Variants in SNX2 observed in about 807,000 individuals in gnomAD.
The protein encoded by SNX2 is sorting nexin 2.
SNX2 carries 25 observed loss-of-function variants against 69.9 expected under a neutral mutation model. That is an observed-to-expected ratio of 0.36 (90% CI 0.26 to 0.50). The LOEUF is 0.50. Ranked by LOEUF, SNX2 falls within the 20% of genes least tolerant of loss-of-function variation. SNX2 has a pLI of 0.97. For synonymous variants in SNX2, 229 were observed against 200.4 expected (o/e 1.14, Z -1.20); for missense variants, 551 against 613.3 (o/e 0.90, Z 1.07).
intron 11 of SNX2, among the ~76,000 whole-genome samples, chr5:122,824,446 G>A (rs562120025): frequency 4.6e-5 from 7 of 152,100 alleles, no homozygotes; most frequent in African/African-American, 7.2e-5. Context: ...GAAAAACGTG[G>A]TATTTTAAAT....
chr5:122,780,483 G>A (rs1480573371), intron 1 of SNX2, among the ~76,000 whole-genome samples: 1 of 151,982 alleles, frequency 6.6e-6, no homozygotes, highest in Non-Finnish European at 1.5e-5. Context: ...AGACACTTTT[G>A]ATAAAGAGGA....
At chr5:122,806,837 AT>A (rs1313328822) in intron 6 of SNX2, among the ~76,000 whole-genome samples, 2 of 152,134 alleles carry the variant, frequency 1.3e-5, no homozygotes, top group African/African-American at 4.8e-5. Flanking sequence ...ATTGTATTCC[AT>A]TGGAATTTTA....
intron 11 of SNX2, among the ~76,000 whole-genome samples, chr5:122,820,425 A>G (rs1753997238): frequency 6.6e-6 from 1 of 152,136 alleles, no homozygotes; most frequent in Non-Finnish European, 1.5e-5. Context: ...AATCCTAGCT[A>G]CTCAGGAGGC....
In SNX2 at chr5:122,799,921, C is replaced by A. The variant is rs1245735945; in HGVS notation, c.390+66C>A. 4.1e-6 allele frequency: 5 copies of A among 1,223,048 alleles called. No individual in the cohort carries two copies. In the Admixed American group the frequency reaches 6.2e-5, roughly 15 times the overall value. The allele number at this position is 1,223,048 out of a possible 1,614,324, so 75.8% of individuals were successfully genotyped here. On this transcript the variant is annotated intron_variant, in intron 3 of 14. Transcript: ENST00000379516. ...CCTTTTTTCCCCACCCAACATCACTCTGCTGTTAGTCATTTCTAATCAAAG... is the reference window on the plus strand; with the variant it reads ...CCTTTTTTCCCCACCCAACATCACTATGCTGTTAGTCATTTCTAATCAAAG...
intron 10 of SNX2, 99 bp from the exon 11 acceptor site, chr5:122,818,719 G>A (rs951395360): frequency 1.1e-6 from 1 of 902,732 alleles, no homozygotes; most frequent in Non-Finnish European, 1.7e-6. Context: ...TGAGCAACTT[G>A]TGCATAAGTA....
At chr5:122,790,580 G>T (rs1753210906) in intron 1 of SNX2, among the ~76,000 whole-genome samples, 1 of 152,190 alleles carries the variant, frequency 6.6e-6, no homozygotes, top group Admixed American at 6.5e-5. Context: ...CAAGATGGAA[G>T]CCACAGTCAT....
intron 11 of SNX2, among the ~76,000 whole-genome samples, chr5:122,824,062 C>T (rs1443308435): frequency 6.6e-6 from 1 of 151,858 alleles, no homozygotes; most frequent in Non-Finnish European, 1.5e-5. Flanking sequence ...ATTAGCTGGG[C>T]ATGGTGGCGG....
At chr5:122,810,572 AT>A (rs889503922) in intron 7 of SNX2, among the ~76,000 whole-genome samples, 3 of 152,164 alleles carry the variant, frequency 2.0e-5, no homozygotes, top group African/African-American at 7.2e-5. Flanking sequence ...CTTAATGAAG[AT>A]TTACTGTACC....
chr5:122,829,692 G>T lies in SNX2; in HGVS notation c.*44G>T. 1 of 1,512,614 alleles carries T rather than the reference G, an allele frequency of 6.6e-7. No homozygotes were observed. The highest frequency in any genetic ancestry group is 9.2e-7 in the Non-Finnish European group (1 of 1,088,148). 93.7% of individuals were successfully genotyped at this position (1,512,614 alleles called of 1,614,324 possible). A position where few individuals can be genotyped will look rare whatever the true frequency, so the allele number is the denominator to read the frequency against. The stretch of plus-strand genomic sequence containing the variant: ...TAAGAAGACCTTGGATGTTGTTCCA[G>T]TTATGCTGGATTCCACAGTGAAATC... On this transcript the variant is annotated 3_prime_UTR_variant, in exon 15 of 15. Transcript: ENST00000379516.
intron 1 of SNX2, among the ~76,000 whole-genome samples, chr5:122,787,476 C>G (rs1264334824): frequency 6.6e-6 from 1 of 152,004 alleles, no homozygotes; most frequent in East Asian, 1.9e-4. Flanking sequence ...GCCAAGATTG[C>G]ACCACTGCAC....
chr5:122,786,995 G>T (rs1215254614), intron 1 of SNX2, among the ~76,000 whole-genome samples: 1 of 152,166 alleles, frequency 6.6e-6, no homozygotes, highest in East Asian at 1.9e-4. Flanking sequence ...GAATACAGAT[G>T]TCTACTCAGT....
At chr5:122,799,158 A>G (rs950935796) in intron 2 of SNX2, among the ~76,000 whole-genome samples, 2 of 152,106 alleles carry the variant, frequency 1.3e-5, no homozygotes, top group Non-Finnish European at 2.9e-5. Context: ...CTAAACACCT[A>G]TTTGTTTTGT....
chr5:122,782,326 C>T (rs1236606357), intron 1 of SNX2, among the ~76,000 whole-genome samples: 1 of 151,752 alleles, frequency 6.6e-6, no homozygotes, highest in Non-Finnish European at 1.5e-5. Flanking sequence ...GCAACCTCCA[C>T]CTCCCGGGTT....
chr5:122,778,490 T>C (rs914987059), intron 1 of SNX2, among the ~76,000 whole-genome samples: 11 of 152,168 alleles, frequency 7.2e-5, no homozygotes, highest in African/African-American at 2.6e-4. Flanking sequence ...CATTTGTTAT[T>C]TTTTGACTTT....
At chr5:122,792,829 ACT>A (rs1307842370) in intron 1 of SNX2, among the ~76,000 whole-genome samples, 3 of 152,120 alleles carry the variant, frequency 2.0e-5, no homozygotes, top group Non-Finnish European at 4.4e-5. Flanking sequence ...ATTTGAAGAG[ACT>A]CTTCACAAAA....
intron 3 of SNX2, among the ~76,000 whole-genome samples, chr5:122,801,374 G>T (rs796381541): frequency 1.8e-4 from 27 of 152,130 alleles, no homozygotes; most frequent in African/African-American, 5.3e-4. Context: ...GGAGACCGAG[G>T]TGGGCAGATC....
At chr5:122,816,824 G>GC in intron 8 of SNX2, 91 bp from the exon 9 acceptor site, 1 of 527,748 alleles carries the variant, frequency 1.9e-6, no homozygotes, top group Non-Finnish European at 3.4e-6. Flanking sequence ...ATGTGGGGGG[G>GC]AGGGGGGAGG....
rs1211613481 is a variant in SNX2, at chr5:122,834,196, T to C, written c.*4548T>C. 6.6e-6 allele frequency: 1 copy of C among 152,222 alleles called. No homozygotes were observed. The highest frequency in any genetic ancestry group is 1.5e-5 in the Non-Finnish European group (1 of 68,038). 9.4% of individuals were successfully genotyped at this position (152,222 alleles called of 1,614,324 possible). On this transcript the variant is annotated 3_prime_UTR_variant, in exon 15 of 15. Coordinates refer to ENST00000379516, the MANE Select transcript of SNX2 (RefSeq NM_003100.4). ...TTTGGGATACAGAGAACTTATTTCTTCCAACTGTTGCTTCAGACGCTGATA... is the reference window on the plus strand; with the variant it reads ...TTTGGGATACAGAGAACTTATTTCTCCCAACTGTTGCTTCAGACGCTGATA...
Position 122,826,016 on chromosome 5 carries a change from TCTTA to T in SNX2, c.1213-29_1213-26del, listed in dbSNP as rs780354559. ...GTTAAGAAAGTATTTTAAATGTTACTCTTACTTAATAGCATTATGTCATTCACTT... is the reference window on the plus strand; with the variant it reads ...GTTAAGAAAGTATTTTAAATGTTACTCTTAATAGCATTATGTCATTCACTT... On this transcript the variant is annotated intron_variant, in intron 11 of 14. Transcript: ENST00000379516. 3.8e-6 allele frequency: 6 copies of T among 1,584,676 alleles called. No individual in the cohort carries two copies. In the African/African-American group the frequency reaches 4.0e-5, roughly 11 times the overall value.
Sources: gnomAD v4.1 joint callset for allele counts (sites outside exome capture counted in the v4.1 genomes callset) on GRCh38, gnomAD v4.1.1 for gene constraint, MANE v1.5 for transcripts, NCBI Gene and HGNC (gene_info 2026-07-23, HGNC 2026-07-21) for gene names.